Variants in MACROD2 observed in about 807,000 individuals in gnomAD.
MACROD2 encodes the protein ADP-ribose glycohydrolase MACROD2.
In MACROD2, 36 loss-of-function variants were observed where a neutral mutation model predicts 70.4. The observed-to-expected ratio is 0.51, with a 90% confidence interval of 0.39 to 0.68. The LOEUF (loss-of-function observed/expected upper bound fraction) is 0.68, where lower values mean the gene tolerates loss of function less well. MACROD2 is among the 30% of genes least tolerant of loss of function. MACROD2 has a pLI of 0.00. For synonymous variants in MACROD2, 172 were observed against 178.8 expected, an observed-to-expected ratio of 0.96 and a Z score of 0.30; for missense variants, 496 against 538.4, an observed-to-expected ratio of 0.92 and a Z score of 0.78.
intron 5 of MACROD2, among the ~76,000 whole-genome samples, chr20:14,891,689 A>T (rs2073762576): frequency 6.6e-6 from 1 of 152,126 alleles, no homozygotes; most frequent in African/African-American, 2.4e-5. Flanking sequence ...TACTGCTAGA[A>T]CTTGTAGGCT....
chr20:15,327,714 GC>G (rs2077946534), intron 6 of MACROD2, among the ~76,000 whole-genome samples: 1 of 152,074 alleles, frequency 6.6e-6, no homozygotes, highest in African/African-American at 2.4e-5. Flanking sequence ...CTATATCACT[GC>G]CCCCTACTTC....
At chr20:15,670,113 T>C (rs983242552) in intron 8 of MACROD2, among the ~76,000 whole-genome samples, 2 of 152,240 alleles carry the variant, frequency 1.3e-5, no homozygotes, top group Admixed American at 6.5e-5. Flanking sequence ...AGTACCTTTC[T>C]CTGGCTTGTA....
At position 15,153,915 on chromosome 20, in the gene MACROD2, G is replaced by A. The variant is rs13045957; in HGVS notation, c.419-76025G>A. ...CAGAAGGATTTTTTATACTTTGACA[G>A]AATGTTCAAAGGATGTCCTCTTACT... On this transcript the variant is annotated intron_variant, in intron 5 of 17. Coordinates refer to ENST00000684519, the MANE Select transcript of MACROD2 (RefSeq NM_001351661.2). Among the ~76,000 whole-genome samples, 392 of 152,280 alleles carry A rather than the reference G, an allele frequency of 2.6e-3. 2 individuals carry two copies. The highest frequency in any genetic ancestry group is 4.4e-3 in the Non-Finnish European group (297 of 68,000).
At chr20:14,131,740 T>G (rs1000007193) in intron 3 of MACROD2, among the ~76,000 whole-genome samples, 1 of 152,064 alleles carries the variant, frequency 6.6e-6, no homozygotes, top group African/African-American at 2.4e-5. Flanking sequence ...TTTAAAAAAT[T>G]TTTTCAGAGA....
intron 4 of MACROD2, among the ~76,000 whole-genome samples, chr20:14,597,994 C>T (rs1286601662): frequency 6.6e-6 from 1 of 152,116 alleles, no homozygotes; most frequent in Non-Finnish European, 1.5e-5. Flanking sequence ...AGATCTCCAA[C>T]ATAAACAAAT....
intron 5 of MACROD2, among the ~76,000 whole-genome samples, chr20:14,956,584 A>T (rs2074538935): frequency 6.6e-6 from 1 of 152,116 alleles, no homozygotes; most frequent in African/African-American, 2.4e-5. Context: ...TAATTAAAAA[A>T]CTATCTTGGA....
At chr20:15,702,078 A>T (rs1485984883) in intron 8 of MACROD2, among the ~76,000 whole-genome samples, 1 of 152,274 alleles carries the variant, frequency 6.6e-6, no homozygotes, top group East Asian at 1.9e-4. Context: ...ATGGGCATCT[A>T]GGTTGATTCC....
At chr20:14,179,052 G>C (rs1045836596) in intron 3 of MACROD2, among the ~76,000 whole-genome samples, 1 of 152,122 alleles carries the variant, frequency 6.6e-6, no homozygotes, top group African/African-American at 2.4e-5. Flanking sequence ...CTCTGGGTGA[G>C]AGAATGGTTT....
chr20:15,992,932 A>G (rs2066577572), intron 15 of MACROD2, among the ~76,000 whole-genome samples: 1 of 152,218 alleles, frequency 6.6e-6, no homozygotes, highest in Non-Finnish European at 1.5e-5. Context: ...TTTTTTCACA[A>G]CTAATAAAAA....
intron 5 of MACROD2, among the ~76,000 whole-genome samples, chr20:15,205,556 T>C (rs1046773040): frequency 1.3e-5 from 2 of 151,952 alleles, no homozygotes; most frequent in African/African-American, 2.4e-5. Context: ...CTTAGCTAAA[T>C]ACTAAGTTTC....
chr20:14,332,371 C>G (rs760354036), intron 3 of MACROD2, among the ~76,000 whole-genome samples: 2 of 151,960 alleles, frequency 1.3e-5, no homozygotes, highest in Non-Finnish European at 2.9e-5. Context: ...CAAGAGCTTG[C>G]GGCAATCTAC....
intron 5 of MACROD2, among the ~76,000 whole-genome samples, chr20:14,743,018 G>A (rs1032358670): frequency 6.6e-5 from 10 of 152,012 alleles, no homozygotes; most frequent in African/African-American, 2.4e-4. Flanking sequence ...CGCCCGCCTC[G>A]GCCTCCCAAA....
chr20:14,445,337 G>A (rs1237307588), intron 3 of MACROD2, among the ~76,000 whole-genome samples: 1 of 152,042 alleles, frequency 6.6e-6, no homozygotes, highest in African/African-American at 2.4e-5. Context: ...AATATATTAT[G>A]GACAACTTCT....
chr20:14,064,193 T>G (rs1283844640), intron 2 of MACROD2, among the ~76,000 whole-genome samples: 11 of 152,192 alleles, frequency 7.2e-5, no homozygotes, highest in Admixed American at 7.2e-4. Context: ...TTGTTCACTG[T>G]GTCTTTTTCA....
chr20:15,809,979 G>C (rs1368761379), intron 8 of MACROD2, among the ~76,000 whole-genome samples: 1 of 149,022 alleles, frequency 6.7e-6, no homozygotes, highest in African/African-American at 2.5e-5. Flanking sequence ...TCGTCATTTA[G>C]CATTAGGTAT....
chr20:14,977,075 G>A (rs1485144044), intron 5 of MACROD2, among the ~76,000 whole-genome samples: 4 of 152,018 alleles, frequency 2.6e-5, no homozygotes, highest in Admixed American at 6.6e-5. Context: ...TGCAAAAACA[G>A]GGTTTGTGTC....
intron 8 of MACROD2, among the ~76,000 whole-genome samples, chr20:15,756,928 C>G (rs1183217992): frequency 1.3e-5 from 2 of 152,182 alleles, no homozygotes; most frequent in East Asian, 3.8e-4. Flanking sequence ...CACTGCCTGT[C>G]ACATTACCAA....
At chr20:15,744,036 T>C (rs1376362183) in intron 8 of MACROD2, among the ~76,000 whole-genome samples, 2 of 152,206 alleles carry the variant, frequency 1.3e-5, no homozygotes, top group Non-Finnish European at 2.9e-5. Flanking sequence ...CCACCAGAGC[T>C]AACCTCTGCC....
chr20:14,832,460 TG>T (rs1466548397), intron 5 of MACROD2, among the ~76,000 whole-genome samples: 13 of 151,924 alleles, frequency 8.6e-5, no homozygotes, highest in Admixed American at 7.9e-4. Flanking sequence ...TGAGGAAGGC[TG>T]GGTCCACATC....
Sources: gnomAD v4.1 joint callset for allele counts (sites outside exome capture counted in the v4.1 genomes callset) on GRCh38, gnomAD v4.1.1 for gene constraint, MANE v1.5 for transcripts, NCBI Gene and HGNC (gene_info 2026-07-23, HGNC 2026-07-21) for gene names.